Variants in GOSR1 observed in about 807,000 individuals in gnomAD.
GOSR1 encodes the protein 28 kDa Golgi SNARE protein.
GOSR1 carries 21 observed loss-of-function variants against 35.5 expected under a neutral mutation model. That is an observed-to-expected ratio of 0.59 (90% CI 0.42 to 0.85). GOSR1 has a LOEUF of 0.85. GOSR1 is among the 40% of genes least tolerant of loss of function. The pLI, the probability that GOSR1 is intolerant of heterozygous loss-of-function variation, is 0.00. For missense variants in GOSR1, 285 were observed against 309.6 expected, an observed-to-expected ratio of 0.92 and a Z score of 0.60; for synonymous variants, 94 against 106.6, an observed-to-expected ratio of 0.88 and a Z score of 0.73.
intron 6 of GOSR1, chr17:30,510,566 T>A (rs1455279173): frequency 1.2e-5 from 2 of 171,230 alleles, no homozygotes; most frequent in African/African-American, 4.8e-5. Flanking sequence ...ATACAAAAAT[T>A]AGCCAGGCAT....
intron 7 of GOSR1, among the ~76,000 whole-genome samples, chr17:30,511,258 G>A (rs1168536377): frequency 6.6e-6 from 1 of 152,088 alleles, no homozygotes; most frequent in Non-Finnish European, 1.5e-5. Flanking sequence ...CATTCATATA[G>A]ACTTTGCTGT....
At chr17:30,504,983 A>C (rs1967347646) in intron 6 of GOSR1, among the ~76,000 whole-genome samples, 2 of 152,244 alleles carry the variant, frequency 1.3e-5, no homozygotes, top group African/African-American at 2.4e-5. Context: ...ATTTGTGTGA[A>C]GTGCTTGGCT....
intron 7 of GOSR1, among the ~76,000 whole-genome samples, chr17:30,512,652 A>G (rs2143864496): frequency 1.3e-5 from 2 of 152,378 alleles, no homozygotes; most frequent in Middle Eastern, 6.8e-3. Flanking sequence ...AAGTTTTCAC[A>G]GAATTTCCTT....
At chr17:30,478,172 A>G (rs566903180) in intron 1 of GOSR1, among the ~76,000 whole-genome samples, 1 of 152,340 alleles carries the variant, frequency 6.6e-6, no homozygotes, top group Non-Finnish European at 1.5e-5. Flanking sequence ...CATTTGTTTA[A>G]TTCCTGAAAC....
intron 1 of GOSR1, among the ~76,000 whole-genome samples, chr17:30,480,498 ATTATC>A (rs1056453132): frequency 2.0e-5 from 3 of 152,010 alleles, no homozygotes; most frequent in South Asian, 2.1e-4. Flanking sequence ...TGTGATTTGT[ATTATC>A]TTCTTGTTTT....
chr17:30,513,079 G>A (rs1399950911), intron 7 of GOSR1, among the ~76,000 whole-genome samples: 1 of 151,786 alleles, frequency 6.6e-6, no homozygotes, highest in African/African-American at 2.4e-5. Context: ...TTCTTATGAA[G>A]AATATAAAGT....
intron 8 of GOSR1, among the ~76,000 whole-genome samples, chr17:30,521,210 ACCCTGTTACCATCCAG>A (rs1968022860): frequency 9.2e-6 from 1 of 108,836 alleles, no homozygotes; most frequent in Non-Finnish European, 1.7e-5. Context: ...ACAGAGTCTC[ACCCTGTTACCATCCAG>A]GCTGGAGTAC....
chr17:30,477,676 T>C (rs1914031324), intron 1 of GOSR1: 1 of 984,274 alleles, frequency 1.0e-6, no homozygotes, highest in Non-Finnish European at 1.2e-6. Flanking sequence ...GAGCGGGACG[T>C]GGGGCAGGGG....
chr17:30,514,017 A>T (rs1162858871), intron 7 of GOSR1, among the ~76,000 whole-genome samples: 2 of 152,238 alleles, frequency 1.3e-5, no homozygotes, highest in African/African-American at 4.8e-5. Flanking sequence ...TTTATACAAG[A>T]CCATAGTATC....
chr17:30,488,977 G>A (rs1363276171), intron 4 of GOSR1, among the ~76,000 whole-genome samples: 1 of 152,170 alleles, frequency 6.6e-6, no homozygotes, highest in Non-Finnish European at 1.5e-5. Flanking sequence ...TTCCTAATAT[G>A]GAAAGATTGC....
chr17:30,494,107 A>C (rs1966902513), intron 6 of GOSR1, among the ~76,000 whole-genome samples: 2 of 151,946 alleles, frequency 1.3e-5, no homozygotes, highest in Non-Finnish European at 2.9e-5. Flanking sequence ...TTTTAATGTT[A>C]ATGTAATTTT....
chr17:30,510,967 A>C, intron 7 of GOSR1, 58 bp downstream of exon 7: 1 of 985,828 alleles, frequency 1.0e-6, no homozygotes, highest in Non-Finnish European at 1.6e-6. Context: ...CGTAAATTTA[A>C]TGAACAGTGT....
In GOSR1 at chr17:30,523,327, G is replaced by A; in HGVS notation, c.*949G>A. On this transcript the variant is annotated 3_prime_UTR_variant, in exon 9 of 9. Coordinates refer to ENST00000451249, the MANE Select transcript of GOSR1 (RefSeq NM_001007025.2). ...CCCGCCGCCCCGTCTGGGATGTGAG[G>A]AGCTCCTCTGCCCGGCCGCGACCCC... The A allele has an allele frequency of 5.5e-6, 1 of 180,720 alleles. No individual in the cohort carries two copies. The allele number at this position is 180,720 out of a possible 1,614,324, so 11.2% of individuals were successfully genotyped here.
intron 4 of GOSR1, among the ~76,000 whole-genome samples, chr17:30,489,527 GTGTTACTTT>G (rs1429813881): frequency 3.3e-5 from 5 of 152,076 alleles, no homozygotes; most frequent in African/African-American, 1.2e-4. Flanking sequence ...CCATGTTTAT[GTGTTACTTT>G]TGTTTTTTAA....
At chr17:30,481,725 A>G (rs1914365034) in intron 2 of GOSR1, among the ~76,000 whole-genome samples, 1 of 152,196 alleles carries the variant, frequency 6.6e-6, no homozygotes, top group African/African-American at 2.4e-5. Flanking sequence ...AGCTATCTTT[A>G]ATTTTGGTAC....
chr17:30,477,426 C>A lies in GOSR1; in HGVS notation c.-8C>A, dbSNP rs373405179. 6.2e-7 allele frequency: 1 copy of A among 1,608,916 alleles called. No individual in the cohort carries two copies. The highest frequency in any genetic ancestry group is 1.1e-5 in the South Asian group (1 of 90,440). ...CTCCCCTATCCCGGCTGACGTTGGACGACAAAGATGGCGGCAGGGACCAGC... is the reference window on the plus strand; with the variant it reads ...CTCCCCTATCCCGGCTGACGTTGGAAGACAAAGATGGCGGCAGGGACCAGC... On this transcript the variant is annotated 5_prime_UTR_variant, in exon 1 of 9. Transcript: ENST00000451249.
chr17:30,517,591 A>AT (rs569883459), intron 7 of GOSR1, among the ~76,000 whole-genome samples: 12,558 of 144,226 alleles, frequency 0.087, 1,291 homozygotes, highest in African/African-American at 0.25. Context: ...GTTTTGGGGG[A>AT]TTTTTTTTTT....
Position 30,490,133 on chromosome 17 carries a change from C to G in GOSR1, c.350C>G (p.Thr117Arg), listed in dbSNP as rs1914944542. 3 of 1,451,540 alleles carry G rather than the reference C, an allele frequency of 2.1e-6. No individual in the cohort carries two copies. The highest frequency in any genetic ancestry group is 2.9e-6 in the Non-Finnish European group (3 of 1,033,042). The allele number at this position is 1,451,540 out of a possible 1,614,324, so 89.9% of individuals were successfully genotyped here. A position where few individuals can be genotyped will look rare whatever the true frequency, so the allele number is the denominator to read the frequency against. Residue 117 changes from threonine (T) to arginine (R), a missense_variant, in exon 5 of 9, where the codon ACA becomes AGA. Thr to Arg is a moderately conservative substitution (Grantham distance 71, BLOSUM62 -1). Around this residue, in one of 3 missense-constraint regions of GOSR1, gnomAD observed 168 missense variants for 183.2 expected, o/e 0.92. Coordinates refer to ENST00000451249, the MANE Select transcript of GOSR1 (RefSeq NM_001007025.2). Reference sequence around the variant, plus strand: ...GATGTTGATTTATTACAGGATTATACACATGAATTCCATAAAACCAAAGCA... The same window carrying G: ...GATGTTGATTTATTACAGGATTATAGACATGAATTCCATAAAACCAAAGCA... ...QRHRDILQDY[T>R]HEFHKTKANF...
chr17:30,488,726 C>G (rs1468299277), intron 4 of GOSR1, among the ~76,000 whole-genome samples: 1 of 151,430 alleles, frequency 6.6e-6, no homozygotes, highest in African/African-American at 2.4e-5. Flanking sequence ...TTAGTAGAGA[C>G]GGGGTTTCGC....
Sources: allele counts gnomAD v4.1 joint callset (sites outside exome capture counted in the v4.1 genomes callset), GRCh38; gene constraint gnomAD v4.1.1; regional missense constraint gnomAD v4.1.1; transcripts MANE v1.5; gene names NCBI Gene and HGNC (gene_info 2026-07-23, HGNC 2026-07-21).